Variants in DOK6 observed in about 807,000 individuals in gnomAD.
The protein encoded by DOK6 is downstream of tyrosine kinase 6.
Under a neutral mutation model 44.0 loss-of-function variants are expected in DOK6, and 22 were observed. The ratio of observed to expected loss-of-function variants is 0.50; its 90% CI spans 0.36 to 0.71. The LOEUF (loss-of-function observed/expected upper bound fraction) is 0.71. Ranked by LOEUF, DOK6 falls within the 30% of genes least tolerant of loss-of-function variation. DOK6 has a pLI of 0.00. For missense variants in DOK6, 340 were observed against 416.4 expected (o/e 0.82, Z 1.60); for synonymous variants, 166 against 145.5 (o/e 1.14, Z -1.01).
intron 3 of DOK6, among the ~76,000 whole-genome samples, chr18:69,615,009 A>G (rs1326377227): frequency 1.3e-5 from 2 of 152,156 alleles, no homozygotes; most frequent in African/African-American, 4.8e-5. Context: ...CCCAGATTAT[A>G]GAACTTTTCA....
intron 7 of DOK6, among the ~76,000 whole-genome samples, chr18:69,811,961 G>A (rs1157051182): frequency 1.3e-5 from 2 of 152,038 alleles, no homozygotes; most frequent in East Asian, 3.9e-4. Flanking sequence ...TACAAAGTCT[G>A]CCTTCATGGA....
At chr18:69,527,552 G>A (rs1017916601) in intron 1 of DOK6, among the ~76,000 whole-genome samples, 5 of 152,188 alleles carry the variant, frequency 3.3e-5, no homozygotes, top group Non-Finnish European at 5.9e-5. Flanking sequence ...CCCAGGACAC[G>A]TGGGGATTAT....
intron 3 of DOK6, among the ~76,000 whole-genome samples, chr18:69,663,664 G>C (rs1405917027): frequency 6.6e-6 from 1 of 152,140 alleles, no homozygotes. Flanking sequence ...CACACCCTAG[G>C]CACAGTATTG....
intron 1 of DOK6, among the ~76,000 whole-genome samples, chr18:69,447,020 T>C (rs1211579333): frequency 1.3e-5 from 2 of 152,218 alleles, no homozygotes; most frequent in South Asian, 4.1e-4. Flanking sequence ...TTCACTCTGA[T>C]GGTAGTTTCT....
In DOK6 at chr18:69,567,896, C is replaced by T. The variant is rs987280666; in HGVS notation, c.174+3302C>T. 1.2e-4 allele frequency among the ~76,000 whole-genome samples: 18 copies of T among 152,328 alleles called. No homozygotes were observed. The Middle Eastern group carries it at 0.01, about 86-fold the overall frequency. ...TTACATTGTCCACCTTTATCTCAGC[C>T]GCTTGCTCCAGCTGTGCCCTTCTCA... On this transcript the variant is annotated intron_variant, in intron 2 of 7. Transcript: ENST00000382713.
chr18:69,738,025 A>C (rs1304443638), intron 5 of DOK6, among the ~76,000 whole-genome samples: 5 of 152,166 alleles, frequency 3.3e-5, no homozygotes, highest in Non-Finnish European at 7.3e-5. Flanking sequence ...CAGACTTTCC[A>C]TTTCACGCTG....
chr18:69,515,133 A>G (rs2144559814), intron 1 of DOK6, among the ~76,000 whole-genome samples: 1 of 152,318 alleles, frequency 6.6e-6, no homozygotes, highest in East Asian at 1.9e-4. Flanking sequence ...GATGAGACAA[A>G]CATTCTTATA....
intron 3 of DOK6, among the ~76,000 whole-genome samples, chr18:69,646,954 A>G (rs1036615738): frequency 1.3e-5 from 2 of 152,140 alleles, no homozygotes; most frequent in Non-Finnish European, 2.9e-5. Flanking sequence ...TAGTCTATCT[A>G]TTTATCTATC....
intron 3 of DOK6, among the ~76,000 whole-genome samples, chr18:69,649,817 A>G (rs1178699092): frequency 1.3e-5 from 2 of 152,206 alleles, no homozygotes; most frequent in African/African-American, 2.4e-5. Flanking sequence ...AATAAAAACA[A>G]GTATATAAAT....
At chr18:69,518,769 A>G (rs972475506) in intron 1 of DOK6, among the ~76,000 whole-genome samples, 2 of 152,170 alleles carry the variant, frequency 1.3e-5, no homozygotes, top group Non-Finnish European at 2.9e-5. Flanking sequence ...AAATCATGCT[A>G]TGTAAAAGGA....
At chr18:69,792,889 A>C (rs1217842718) in intron 7 of DOK6, among the ~76,000 whole-genome samples, 1 of 152,180 alleles carries the variant, frequency 6.6e-6, no homozygotes, top group African/African-American at 2.4e-5. Context: ...AATTATAGAA[A>C]AACAAGAAAT....
chr18:69,522,105 A>G (rs2045252799), intron 1 of DOK6, among the ~76,000 whole-genome samples: 1 of 152,000 alleles, frequency 6.6e-6, no homozygotes, highest in Non-Finnish European at 1.5e-5. Flanking sequence ...GGAAGACAAT[A>G]AAATCAACTG....
At chr18:69,674,076 TTA>T (rs1985866920) in intron 3 of DOK6, among the ~76,000 whole-genome samples, 1 of 152,022 alleles carries the variant, frequency 6.6e-6, no homozygotes, top group Non-Finnish European at 1.5e-5. Context: ...GAAAGATAAT[TTA>T]GAGAAAAACA....
At chr18:69,787,585 C>A (rs1013182593) in intron 7 of DOK6, among the ~76,000 whole-genome samples, 1 of 152,118 alleles carries the variant, frequency 6.6e-6, no homozygotes, top group African/African-American at 2.4e-5. Flanking sequence ...TATGTTGATA[C>A]AGTTTTTTTA....
chr18:69,604,931 T>C (rs1443718680), intron 3 of DOK6, among the ~76,000 whole-genome samples: 1 of 152,178 alleles, frequency 6.6e-6, no homozygotes, highest in African/African-American at 2.4e-5. Flanking sequence ...CATTGTGCAG[T>C]GGTGAAGTCT....
intron 3 of DOK6, among the ~76,000 whole-genome samples, chr18:69,674,406 T>G (rs1231872365): frequency 3.9e-5 from 6 of 152,174 alleles, no homozygotes; most frequent in Admixed American, 3.9e-4. Context: ...TTCTCACATT[T>G]TTCTACATGA....
chr18:69,412,193 T>G (rs1036474640), intron 1 of DOK6, among the ~76,000 whole-genome samples: 1 of 152,120 alleles, frequency 6.6e-6, no homozygotes, highest in African/African-American at 2.4e-5. Flanking sequence ...AAATGGAACT[T>G]TCTCACTGGT....
chr18:69,658,264 C>T lies in DOK6; in HGVS notation c.290-19470C>T, dbSNP rs142981935. Among the ~76,000 whole-genome samples, 13 of 152,248 alleles carry T rather than the reference C, an allele frequency of 8.5e-5. No individual in the cohort carries two copies. In the East Asian group the frequency reaches 2.5e-3, roughly 29 times the overall value. On this transcript the variant is annotated intron_variant, in intron 3 of 7. Coordinates refer to ENST00000382713, the MANE Select transcript of DOK6 (RefSeq NM_152721.6). ...CACCACGCCCAGCCTGGGTTAAGAG[C>T]ATAGACTGGGGCTGGATTGCTGGGT...
chr18:69,677,604 T>A (rs1985951718), intron 3 of DOK6, 130 bp from the exon 4 acceptor site: 2 of 1,462,692 alleles, frequency 1.4e-6, no homozygotes, highest in Non-Finnish European at 1.9e-6. Context: ...CTAAATACAG[T>A]TTTTTGTTGT....
Sources: allele counts gnomAD v4.1 joint callset (sites outside exome capture counted in the v4.1 genomes callset), GRCh38; gene constraint gnomAD v4.1.1; transcripts MANE v1.5; gene names NCBI Gene and HGNC (gene_info 2026-07-23, HGNC 2026-07-21).